Variants in POP1 observed in about 807,000 individuals in gnomAD.
The protein encoded by POP1 is ribonucleases P/MRP protein subunit POP1.
Under a neutral mutation model 102.2 loss-of-function variants are expected in POP1, and 75 were observed. That is an observed-to-expected ratio of 0.73 (90% confidence interval 0.61 to 0.89). The LOEUF is 0.89. Among genes scored for constraint, POP1 ranks in the 40% least tolerant of loss-of-function variants. The pLI is 0.00. For synonymous variants in POP1, 436 were observed against 464.1 expected (o/e 0.94, Z 0.78); for missense variants, 1,116 against 1,267.4 (o/e 0.88, Z 1.81).
intron 14 of POP1, among the ~76,000 whole-genome samples, chr8:98,152,516 C>G (rs940341173): frequency 1.3e-5 from 2 of 152,188 alleles, no homozygotes; most frequent in Non-Finnish European, 2.9e-5. Flanking sequence ...AGAGAACGAG[C>G]ACGGCTGTGT....
At chr8:98,150,393 C>A (rs1586249298) in intron 13 of POP1, 92 bp from the exon 14 acceptor site, 1 of 1,336,486 alleles carries the variant, frequency 7.5e-7, no homozygotes, top group Non-Finnish European at 1.1e-6. Flanking sequence ...TTTTGAGGGG[C>A]GTTTAGGTTG....
intron 1 of POP1, among the ~76,000 whole-genome samples, chr8:98,119,782 T>C (rs1026227446): frequency 6.6e-6 from 1 of 152,200 alleles, no homozygotes; most frequent in African/African-American, 2.4e-5. Flanking sequence ...CTCACTATGT[T>C]GCTCAGGTTG....
intron 11 of POP1, among the ~76,000 whole-genome samples, chr8:98,143,343 T>C (rs1336451217): frequency 6.6e-6 from 1 of 152,210 alleles, no homozygotes; most frequent in East Asian, 1.9e-4. Context: ...CTCCACTTTG[T>C]TGTAAATAGA....
chr8:98,136,434 A>G (rs1042557636), intron 7 of POP1, 48 bp from the exon 8 acceptor site: 31 of 1,540,230 alleles, frequency 2.0e-5, no homozygotes, highest in Non-Finnish European at 2.7e-5. Flanking sequence ...TTGTCGTAAT[A>G]TATTTAAATT....
chr8:98,117,399 T>G lies in POP1; in HGVS notation c.-3+9T>G. On this transcript the variant is annotated intron_variant, in intron 1 of 15. Coordinates refer to ENST00000401707, the MANE Select transcript of POP1 (RefSeq NM_001145860.2). Reference sequence around the variant, plus strand: ...CTCACAGCGTCTGGCAGGTTGGTCGTGAGGGGCTGGTGCCTTCCAGGATGC... The same window carrying G: ...CTCACAGCGTCTGGCAGGTTGGTCGGGAGGGGCTGGTGCCTTCCAGGATGC... The G allele has an allele frequency of 1.5e-5, 6 of 407,396 alleles. No individual in the cohort carries two copies. In the South Asian group the frequency reaches 1.5e-4, roughly 10 times the overall value. 25.2% of individuals were successfully genotyped at this position (407,396 alleles called of 1,614,324 possible). A position where few individuals can be genotyped will look rare whatever the true frequency, so the allele number is the denominator to read the frequency against.
chr8:98,128,271 T>C (rs1050578848), intron 3 of POP1, 94 bp from the exon 4 acceptor site: 2 of 1,209,860 alleles, frequency 1.7e-6, no homozygotes, highest in African/African-American at 3.0e-5. Flanking sequence ...GCCTTCTTGG[T>C]GGAGGAATTC....
At chr8:98,129,863 A>T (rs2130589511) in intron 4 of POP1, 115 bp from the exon 5 acceptor site, 1 of 1,214,808 alleles carries the variant, frequency 8.2e-7, no homozygotes, top group East Asian at 2.4e-5. Flanking sequence ...AAGCAAACTA[A>T]TGGGATCTAT....
intron 2 of POP1, among the ~76,000 whole-genome samples, chr8:98,127,339 C>G (rs192885150): frequency 2.3e-4 from 35 of 152,270 alleles, no homozygotes; most frequent in Admixed American, 1.0e-3. Context: ...TCACCTGTAT[C>G]TGTTATATCC....
intron 3 of POP1, 41 bp from the exon 4 acceptor site, chr8:98,128,324 T>G: frequency 6.3e-7 from 1 of 1,598,856 alleles, no homozygotes. Flanking sequence ...CAATGTTAAT[T>G]CAAGATTGGT....
intron 5 of POP1, among the ~76,000 whole-genome samples, chr8:98,133,505 G>A (rs1489581593): frequency 6.6e-6 from 1 of 152,116 alleles, no homozygotes; most frequent in African/African-American, 2.4e-5. Context: ...AGCAACCTGA[G>A]CATAATTTTG....
In POP1 at chr8:98,136,692, T is replaced by A; in HGVS notation, c.1222T>A (p.Cys408Ser). 6.2e-7 allele frequency: 1 copy of A among 1,613,306 alleles called. No homozygotes were observed. The highest frequency in any genetic ancestry group is 1.1e-5 in the South Asian group (1 of 91,066). ...KIIGDGTRDP[C>S]LPYSWISPTT... ...TATCGGTGATGGAACTAGAGATCCATGTCTACCATACTCTTGGATCTCTCC... is the reference window on the plus strand; with the variant it reads ...TATCGGTGATGGAACTAGAGATCCAAGTCTACCATACTCTTGGATCTCTCC... The change falls in exon 8 of 16, where the codon TGT (cysteine) becomes AGT (serine). Residue 408 changes from cysteine to serine, a missense_variant. Transcript: ENST00000401707.
Position 98,123,477 on chromosome 8 carries a change from A to G in POP1, c.140A>G (p.Gln47Arg), listed in dbSNP as rs142498288. 19 of 1,613,446 alleles carry G rather than the reference A, an allele frequency of 1.2e-5. No individual in the cohort carries two copies. In the African/African-American group the frequency reaches 2.5e-4, roughly 22 times the overall value. ...GAAAAACCTTTCCAAGCTCAAAAAC[A>G]AGGTAAAATACACATAAGAGACCAG... ...GGEKPFQAQKQEPHPGTSRQR... is the reference protein window; with the variant it reads ...GGEKPFQAQKREPHPGTSRQR... Residue 47 changes from glutamine to arginine, a missense_variant and splice_region_variant, in exon 2 of 16, where the codon CAA becomes CGA. Transcript: ENST00000401707.
chr8:98,152,512 C>T (rs776049339), intron 14 of POP1, among the ~76,000 whole-genome samples: 2 of 152,222 alleles, frequency 1.3e-5, no homozygotes, highest in Admixed American at 6.5e-5. Context: ...CGTAAGAGAA[C>T]GAGCACGGCT....
chr8:98,128,249 GTC>G, intron 3 of POP1, 114 bp from the exon 4 acceptor site: 4 of 945,884 alleles, frequency 4.2e-6, no homozygotes, highest in South Asian at 4.2e-5. Flanking sequence ...ATGCTTTCTG[GTC>G]TCTCTTTACG....
At chr8:98,128,613 G>C (rs1586230866) in intron 4 of POP1, 73 bp downstream of exon 4, 1 of 1,535,326 alleles carries the variant, frequency 6.5e-7, no homozygotes, top group East Asian at 2.3e-5. Flanking sequence ...TGACCTAATA[G>C]AATTTATTAA....
chr8:98,123,888 AAC>A (rs1816113577), intron 2 of POP1, among the ~76,000 whole-genome samples: 1 of 152,214 alleles, frequency 6.6e-6, no homozygotes, highest in Non-Finnish European at 1.5e-5. Context: ...CTGAATTAAA[AAC>A]AGATACAGTA....
Position 98,146,696 on chromosome 8 carries a change from G to A in POP1, c.1710+13G>A, listed in dbSNP as rs771152489. ...AATCTCGGATCAGGTAACTAATAGTGTAAGGGTTATTGGTAAAGTCATGAA... is the reference window on the plus strand; with the variant it reads ...AATCTCGGATCAGGTAACTAATAGTATAAGGGTTATTGGTAAAGTCATGAA... On this transcript the variant is annotated intron_variant, in intron 12 of 15. Transcript: ENST00000401707. 1 of 1,551,546 alleles carries A rather than the reference G, an allele frequency of 6.4e-7. No individual in the cohort carries two copies. Among genetic ancestry groups the A allele is most frequent in the Non-Finnish European group, 8.9e-7 (1 of 1,123,146 alleles).
Position 98,158,245 on chromosome 8 carries a change from T to C in POP1, c.3049T>C (p.Phe1017Leu). 6.2e-7 allele frequency: 1 copy of C among 1,611,058 alleles called. No individual in the cohort carries two copies. Among genetic ancestry groups the C allele is most frequent in the Non-Finnish European group, 8.5e-7 (1 of 1,180,016 alleles). ...LRPPASLQYR[F>L]ARIAIEV ...GCCTCCCGCCTCTCTGCAGTATCGA[T>C]TTGCGAGGATTGCTATTGAGGTGTG... is the stretch of plus-strand genomic sequence containing the variant. Residue 1017 changes from phenylalanine to leucine, a missense_variant, in exon 16 of 16, where the codon TTT (phenylalanine) becomes CTT (leucine). Physicochemically the swap from Phe to Leu is conservative, Grantham distance 22. Transcript: ENST00000401707.
chr8:98,140,957 T>C (rs1464232740), intron 11 of POP1, 69 bp downstream of exon 11: 3 of 1,570,084 alleles, frequency 1.9e-6, no homozygotes, highest in East Asian at 2.2e-5. Context: ...AGAAGAAGAG[T>C]TCTTTCTCTG....
Sources: gnomAD v4.1 joint callset for allele counts (sites outside exome capture counted in the v4.1 genomes callset) on GRCh38, gnomAD v4.1.1 for gene constraint, MANE v1.5 for transcripts, NCBI Gene and HGNC (gene_info 2026-07-23, HGNC 2026-07-21) for gene names.